The following ATP2B2 variants were observed in gnomAD, a reference collection of about 807,000 sequenced individuals.
ATP2B2 encodes the protein plasma membrane calcium-transporting ATPase 2.
In ATP2B2, 15 loss-of-function variants were observed where a neutral mutation model predicts 120.0. The observed-to-expected ratio is 0.12, with a 90% CI of 0.08 to 0.19. The LOEUF (loss-of-function observed/expected upper bound fraction) is 0.19. Among genes scored for constraint, ATP2B2 ranks in the 10% least tolerant of loss-of-function variants. The pLI, the probability that ATP2B2 is intolerant of heterozygous loss-of-function variation, is 1.00. For missense variants in ATP2B2, 1,045 were observed against 1,719.8 expected (o/e 0.61, Z 6.94); for synonymous variants, 694 against 700.3 (o/e 0.99, Z 0.14).
intron 2 of ATP2B2, among the ~76,000 whole-genome samples, chr3:10,565,393 G>A (rs1307847429): frequency 6.6e-6 from 1 of 151,998 alleles, no homozygotes; most frequent in Non-Finnish European, 1.5e-5. Context: ...CTCTCGCGTG[G>A]GCTTAGTCAC....
At chr3:10,660,688 A>G (rs2070756683) in intron 1 of ATP2B2, among the ~76,000 whole-genome samples, 1 of 152,246 alleles carries the variant, frequency 6.6e-6, no homozygotes, top group South Asian at 2.1e-4. Context: ...AGCTGGTACT[A>G]TTCCTTCTGA....
At chr3:10,677,492 C>T (rs2071274962) in intron 1 of ATP2B2, among the ~76,000 whole-genome samples, 4 of 152,124 alleles carry the variant, frequency 2.6e-5, no homozygotes, top group Non-Finnish European at 4.4e-5. Context: ...TGTTGTTATA[C>T]ATTTGTCCAG....
chr3:10,425,671 C>T (rs554258638), intron 2 of ATP2B2, among the ~76,000 whole-genome samples: 16 of 152,122 alleles, frequency 1.1e-4, no homozygotes, highest in Non-Finnish European at 2.2e-4. Flanking sequence ...CATCAGAGTC[C>T]ACTCCTGCCT....
At chr3:10,625,484 A>T (rs13087643) in intron 1 of ATP2B2, among the ~76,000 whole-genome samples, 9 of 151,960 alleles carry the variant, frequency 5.9e-5, no homozygotes, top group Non-Finnish European at 1.2e-4. Context: ...TCAGATTCCC[A>T]TATTGGTTTC....
intron 7 of ATP2B2, among the ~76,000 whole-genome samples, chr3:10,386,249 C>T (rs2061675510): frequency 6.6e-6 from 1 of 151,094 alleles, no homozygotes; most frequent in South Asian, 2.1e-4. Flanking sequence ...TACCACTTGG[C>T]ATTGGCTGGT....
At chr3:10,431,842 A>G (rs1013041374) in intron 2 of ATP2B2, among the ~76,000 whole-genome samples, 1 of 152,196 alleles carries the variant, frequency 6.6e-6, no homozygotes, top group African/African-American at 2.4e-5. Flanking sequence ...CTTTTCCAAA[A>G]AGGGGGTGGG....
chr3:10,335,975 G>T, intron 22 of ATP2B2: 1 of 936,544 alleles, frequency 1.1e-6, no homozygotes, highest in Non-Finnish European at 1.6e-6. Flanking sequence ...ACGCTCTCCT[G>T]ACCAACGGGA....
intron 10 of ATP2B2, among the ~76,000 whole-genome samples, chr3:10,376,910 G>A (rs997172803): frequency 6.6e-6 from 1 of 152,176 alleles, no homozygotes; most frequent in Non-Finnish European, 1.5e-5. Flanking sequence ...GAGGCTGGGA[G>A]TTCTCTGGAA....
rs148436508 is a variant in ATP2B2 at position 10,414,559 on chromosome 3, A to G, written c.200-3744T>C. On this transcript the variant is annotated intron_variant, in intron 2 of 22. Transcript: ENST00000360273. ...AGCTCCTGTGGGGGAATGTGGGCCC[A>G]GTGTGGCAGATCTTCCAATCTTCTA... 8.3e-4 allele frequency among the ~76,000 whole-genome samples: 127 copies of G among 152,368 alleles called. 1 individual carries two copies. The highest frequency in any genetic ancestry group is 2.9e-3 in the African/African-American group (122 of 41,594).
chr3:10,610,791 G>A (rs991662180), intron 2 of ATP2B2, among the ~76,000 whole-genome samples: 34 of 152,234 alleles, frequency 2.2e-4, no homozygotes, highest in African/African-American at 7.9e-4. Context: ...AACACATGCT[G>A]GAGGGAACCT....
Position 10,472,972 on chromosome 3 carries a change from T to C in ATP2B2, c.-319-23110A>G, listed in dbSNP as rs146159483. Among the ~76,000 whole-genome samples the C allele has an allele frequency of 2.8e-3, 423 of 152,334 alleles. 2 individuals carry two copies. The highest frequency in any genetic ancestry group is 9.8e-3 in the African/African-American group (408 of 41,578). On this transcript the variant is annotated intron_variant, in intron 1 of 22. Coordinates refer to ENST00000360273, the MANE Select transcript of ATP2B2 (RefSeq NM_001001331.4). ...GAAACTGAGGACCCATGTTGGTAAG[T>C]TGTTGAACCAAGATCTGATCTAAGC...
intron 14 of ATP2B2, among the ~76,000 whole-genome samples, chr3:10,358,343 G>T (rs2060799168): frequency 6.6e-6 from 1 of 152,198 alleles, no homozygotes; most frequent in South Asian, 2.1e-4. Flanking sequence ...CCTGGCTCCT[G>T]CAGGGCAAGA....
intron 8 of ATP2B2, among the ~76,000 whole-genome samples, chr3:10,383,832 G>A (rs2061597375): frequency 6.6e-6 from 1 of 152,230 alleles, no homozygotes; most frequent in Admixed American, 6.5e-5. Flanking sequence ...TTCTGCTGCA[G>A]TCTGGAAGTA....
chr3:10,422,424 T>C (rs74934537), intron 2 of ATP2B2, among the ~76,000 whole-genome samples: 1 of 152,200 alleles, frequency 6.6e-6, no homozygotes. Context: ...GCCTAGAGTT[T>C]ATGATCACAT....
intron 8 of ATP2B2, among the ~76,000 whole-genome samples, chr3:10,383,342 T>A (rs944398687): frequency 5.9e-5 from 9 of 152,112 alleles, no homozygotes; most frequent in Non-Finnish European, 4.4e-5. Flanking sequence ...TCTATGTGAC[T>A]CTGTAACTCT....
intron 2 of ATP2B2, among the ~76,000 whole-genome samples, chr3:10,558,183 A>AC (rs1412939983): frequency 6.6e-6 from 1 of 151,918 alleles, no homozygotes; most frequent in African/African-American, 2.4e-5. Flanking sequence ...GAAATGCTCA[A>AC]CCCCCCAGCA....
intron 1 of ATP2B2, among the ~76,000 whole-genome samples, chr3:10,621,969 G>A (rs879527545): frequency 1.3e-5 from 2 of 152,192 alleles, no homozygotes; most frequent in African/African-American, 4.8e-5. Context: ...CTAGCTGCAC[G>A]GTCATTGAGA....
At chr3:10,332,053 C>T (rs1312252229) in intron 22 of ATP2B2, 55 of 1,549,386 alleles carry the variant, frequency 3.5e-5, no homozygotes, top group Non-Finnish European at 4.4e-5. Flanking sequence ...GAAACAAACA[C>T]ATGGAATATT....
At chr3:10,644,547 G>C (rs2070267336) in intron 1 of ATP2B2, among the ~76,000 whole-genome samples, 1 of 152,194 alleles carries the variant, frequency 6.6e-6, no homozygotes, top group Non-Finnish European at 1.5e-5. Flanking sequence ...AACAAAATGT[G>C]ATGTGTACAT....
Sources: allele counts gnomAD v4.1 joint callset (sites outside exome capture counted in the v4.1 genomes callset), GRCh38; gene constraint gnomAD v4.1.1; transcripts MANE v1.5; gene names NCBI Gene and HGNC (gene_info 2026-07-23, HGNC 2026-07-21).